The following IL1RAPL1 variants were observed in gnomAD, a reference collection of about 807,000 sequenced individuals.
The protein encoded by IL1RAPL1 is interleukin-1 receptor accessory protein-like 1.
Under a neutral mutation model 48.4 loss-of-function variants are expected in IL1RAPL1, and 3 were observed. That is an observed-to-expected ratio of 0.06 (90% confidence interval 0.03 to 0.16). The LOEUF is 0.16. IL1RAPL1 is among the 10% of genes least tolerant of loss of function. The probability of loss-of-function intolerance (pLI) is 1.00; values close to 1 mark genes in which losing one functional copy is unlikely to be tolerated. For synonymous variants in IL1RAPL1, 185 were observed against 187.7 expected, an observed-to-expected ratio of 0.99 and a Z score of 0.12; for missense variants, 349 against 530.6, an observed-to-expected ratio of 0.66 and a Z score of 3.36.
At chrX:29,660,076 CTT>C (rs1160806868) in intron 5 of IL1RAPL1, among the ~76,000 whole-genome samples, 2 of 110,923 alleles carry the variant, frequency 1.8e-5, no homozygotes, top group Non-Finnish European at 3.8e-5. Context: ...GTGCTACACA[CTT>C]TTAAACAACC....
intron 6 of IL1RAPL1, among the ~76,000 whole-genome samples, chrX:29,809,610 C>A (rs1260851609): frequency 2.7e-5 from 3 of 110,145 alleles, no homozygotes; most frequent in African/African-American, 9.9e-5. Flanking sequence ...ATCATCATTT[C>A]TTTATGCAGT....
intron 6 of IL1RAPL1, among the ~76,000 whole-genome samples, chrX:29,814,412 C>T (rs1248404517): frequency 7.2e-5 from 8 of 111,292 alleles, no homozygotes; most frequent in Non-Finnish European, 3.8e-5. Context: ...ATCTTTTGCC[C>T]GTTTTTAATG....
intron 6 of IL1RAPL1, among the ~76,000 whole-genome samples, chrX:29,672,014 T>G (rs1220561509): frequency 3.6e-5 from 4 of 112,025 alleles, no homozygotes; most frequent in African/African-American, 1.3e-4. Context: ...AGAAGAATCT[T>G]TTTCTTACAC....
intron 2 of IL1RAPL1, among the ~76,000 whole-genome samples, chrX:29,195,079 T>A (rs1930417938): frequency 8.9e-6 from 1 of 112,038 alleles, no homozygotes; most frequent in Non-Finnish European, 1.9e-5. Flanking sequence ...TATCTCAGAA[T>A]ATCTTTTCAA....
intron 2 of IL1RAPL1, among the ~76,000 whole-genome samples, chrX:29,041,394 A>T (rs867170459): frequency 1.8e-5 from 2 of 112,076 alleles, no homozygotes; most frequent in East Asian, 2.8e-4. Context: ...TGCTAGGTCC[A>T]CTGATACAGC....
At chrX:28,909,957 T>C (rs1923315668) in intron 2 of IL1RAPL1, among the ~76,000 whole-genome samples, 1 of 112,015 alleles carries the variant, frequency 8.9e-6, no homozygotes, top group South Asian at 3.6e-4. Context: ...TTAAAATTCT[T>C]GTTTATTCTT....
At chrX:28,622,547 CAGTG>C (rs1388144964) in intron 1 of IL1RAPL1, among the ~76,000 whole-genome samples, 51 of 111,739 alleles carry the variant, frequency 4.6e-4, no homozygotes, top group African/African-American at 1.7e-3. Context: ...TTTTATTAAT[CAGTG>C]AGAGAAGTAA....
chrX:28,972,687 C>T lies in IL1RAPL1; in HGVS notation c.82+183262C>T, dbSNP rs745671104. Among the ~76,000 whole-genome samples, 17 of 111,171 alleles carry T rather than the reference C, an allele frequency of 1.5e-4. No homozygotes were observed. The East Asian group carries it at 3.7e-3, about 24-fold the overall frequency. ...CTAGGAGGCGGAGCTTGGAGTGAGC[C>T]GAGATCGTGCCACTGCCCTCCAGCC... On this transcript the variant is annotated intron_variant, in intron 2 of 10. Transcript: ENST00000378993.
chrX:29,380,518 T>A (rs1933683108), intron 3 of IL1RAPL1, among the ~76,000 whole-genome samples: 2 of 112,400 alleles, frequency 1.8e-5, no homozygotes, highest in South Asian at 7.4e-4. Context: ...TGAGCCACTG[T>A]ACCTGGCCAT....
chrX:29,685,314 C>T (rs1300811230), intron 6 of IL1RAPL1, among the ~76,000 whole-genome samples: 1 of 110,485 alleles, frequency 9.1e-6, no homozygotes, highest in Non-Finnish European at 1.9e-5. Context: ...AGCAGCCTGG[C>T]CAACATGGTG....
chrX:29,082,750 C>T (rs773959137), intron 2 of IL1RAPL1, among the ~76,000 whole-genome samples: 3 of 111,380 alleles, frequency 2.7e-5, no homozygotes, highest in East Asian at 5.6e-4. Context: ...GTGAAGATTG[C>T]GGCAGGTGTT....
intron 8 of IL1RAPL1, among the ~76,000 whole-genome samples, chrX:29,928,499 TG>T (rs1932911820): frequency 8.9e-6 from 1 of 112,103 alleles, no homozygotes; most frequent in African/African-American, 3.2e-5. Flanking sequence ...CTCACTTCAC[TG>T]CAGGCTGCTT....
intron 1 of IL1RAPL1, among the ~76,000 whole-genome samples, chrX:28,589,337 C>T (rs1405616361): frequency 9.0e-6 from 1 of 111,496 alleles, no homozygotes; most frequent in Non-Finnish European, 1.9e-5. Context: ...ACCCTGTTAA[C>T]TTTTGAAGGC....
chrX:28,615,219 T>TG (rs1569138798), intron 1 of IL1RAPL1, among the ~76,000 whole-genome samples: 35 of 91,651 alleles, frequency 3.8e-4, no homozygotes, highest in Middle Eastern at 5.6e-3. Context: ...TTTTTTTTTT[T>TG]TTTTTTTTTT....
intron 5 of IL1RAPL1, among the ~76,000 whole-genome samples, chrX:29,433,450 T>C (rs750339168): frequency 9.0e-6 from 1 of 111,398 alleles, no homozygotes; most frequent in South Asian, 3.7e-4. Context: ...AAGTAATACT[T>C]TGATGAATAT....
intron 3 of IL1RAPL1, among the ~76,000 whole-genome samples, chrX:29,365,260 A>G (rs1175914175): frequency 8.9e-6 from 1 of 111,976 alleles, no homozygotes; most frequent in Non-Finnish European, 1.9e-5. Context: ...GATAGCACCA[A>G]TCGTTACAAA....
chrX:28,995,947 A>T (rs912114949), intron 2 of IL1RAPL1, among the ~76,000 whole-genome samples: 2 of 111,151 alleles, frequency 1.8e-5, no homozygotes, highest in African/African-American at 6.5e-5. Context: ...TTATTGAGAT[A>T]TAATTTACAT....
At chrX:28,755,599 C>G (rs902372531) in intron 1 of IL1RAPL1, among the ~76,000 whole-genome samples, 4 of 111,874 alleles carry the variant, frequency 3.6e-5, no homozygotes, top group African/African-American at 1.3e-4. Flanking sequence ...ACATTAAGCT[C>G]TCTTCTTTGT....
At chrX:29,092,865 T>C (rs1928121949) in intron 2 of IL1RAPL1, among the ~76,000 whole-genome samples, 1 of 112,150 alleles carries the variant, frequency 8.9e-6, no homozygotes, top group Admixed American at 9.5e-5. Flanking sequence ...TAACTAGTTA[T>C]TGTGATAGTG....
Sources: gnomAD v4.1 joint callset for allele counts (sites outside exome capture counted in the v4.1 genomes callset) on GRCh38, gnomAD v4.1.1 for gene constraint, MANE v1.5 for transcripts, NCBI Gene and HGNC (gene_info 2026-07-23, HGNC 2026-07-21) for gene names.